Variants in RIMS1 observed in about 807,000 individuals in gnomAD.
The protein encoded by RIMS1 is regulating synaptic membrane exocytosis 1.
Under a neutral mutation model 214.1 loss-of-function variants are expected in RIMS1, and 83 were observed. That is an observed-to-expected ratio of 0.39 (90% CI 0.32 to 0.47). The LOEUF (loss-of-function observed/expected upper bound fraction) is 0.47, where lower values mean the gene tolerates loss of function less well. Ranked by LOEUF, RIMS1 falls within the 20% of genes least tolerant of loss-of-function variation. The pLI is 0.99. For missense variants in RIMS1, 2,050 were observed against 2,161.8 expected (o/e 0.95, Z 1.03); for synonymous variants, 793 against 786.8 (o/e 1.01, Z -0.13).
intron 31 of RIMS1, among the ~76,000 whole-genome samples, chr6:72,393,774 A>G (rs1272588676): frequency 6.6e-6 from 1 of 152,014 alleles, no homozygotes; most frequent in Non-Finnish European, 1.5e-5. Context: ...TCGTATTTTC[A>G]TTGGATTCTT....
At chr6:72,237,787 T>C in intron 8 of RIMS1, 36 bp from the exon 9 acceptor site, 1 of 1,408,210 alleles carries the variant, frequency 7.1e-7, no homozygotes, top group South Asian at 1.2e-5. Flanking sequence ...TGTTTTAGTA[T>C]GAGTCTTGGA....
chr6:71,935,111 G>A (rs1313402916), intron 1 of RIMS1, among the ~76,000 whole-genome samples: 1 of 152,146 alleles, frequency 6.6e-6, no homozygotes, highest in Non-Finnish European at 1.5e-5. Context: ...CAGATGGATC[G>A]GTTTCCTTGG....
At chr6:72,103,597 TC>T (rs1330611083) in intron 4 of RIMS1, among the ~76,000 whole-genome samples, 2 of 152,118 alleles carry the variant, frequency 1.3e-5, no homozygotes, top group Non-Finnish European at 2.9e-5. Flanking sequence ...AGAAAGAGCT[TC>T]CAAAAAGTTA....
intron 2 of RIMS1, among the ~76,000 whole-genome samples, chr6:71,992,394 T>TTCTC (rs377623445): frequency 0.065 from 6,383 of 97,888 alleles, 174 homozygotes; most frequent in African/African-American, 0.087. Context: ...GCTTCTTTCT[T>TTCTC]TCTCTCTCTC....
At chr6:72,155,333 C>T (rs2044296072) in intron 4 of RIMS1, among the ~76,000 whole-genome samples, 1 of 140,476 alleles carries the variant, frequency 7.1e-6, no homozygotes, top group Non-Finnish European at 1.6e-5. Flanking sequence ...GAATGCTTTG[C>T]TGCTTAGAAA....
intron 28 of RIMS1, among the ~76,000 whole-genome samples, chr6:72,322,573 A>G (rs1253469714): frequency 1.3e-5 from 2 of 152,042 alleles, no homozygotes; most frequent in Non-Finnish European, 2.9e-5. Context: ...AAAGCTGAAC[A>G]AGAACAAATA....
intron 2 of RIMS1, among the ~76,000 whole-genome samples, chr6:72,007,760 G>A (rs1808392007): frequency 6.6e-6 from 1 of 152,148 alleles, no homozygotes; most frequent in Non-Finnish European, 1.5e-5. Flanking sequence ...GAAGCGAGAA[G>A]AGAAGTTTAG....
chr6:72,164,397 C>G (rs1171697094), intron 4 of RIMS1, among the ~76,000 whole-genome samples: 1 of 152,064 alleles, frequency 6.6e-6, no homozygotes, highest in Non-Finnish European at 1.5e-5. Context: ...CACCCACTGT[C>G]CTGCACCCAC....
chr6:72,038,319 T>C (rs1319815432), intron 2 of RIMS1, among the ~76,000 whole-genome samples: 7 of 151,512 alleles, frequency 4.6e-5, no homozygotes. Context: ...TTAAGTAGGC[T>C]TTTGATAATC....
intron 29 of RIMS1, among the ~76,000 whole-genome samples, chr6:72,377,968 A>G (rs1389246951): frequency 6.6e-6 from 1 of 152,236 alleles, no homozygotes; most frequent in Non-Finnish European, 1.5e-5. Context: ...GTATACTTAC[A>G]CATGCTGTCT....
At chr6:72,359,456 G>A (rs2097755382) in intron 29 of RIMS1, among the ~76,000 whole-genome samples, 2 of 151,814 alleles carry the variant, frequency 1.3e-5, no homozygotes, top group Non-Finnish European at 2.9e-5. Flanking sequence ...GCAACAGGCT[G>A]TTTCCCTAAA....
intron 27 of RIMS1, among the ~76,000 whole-genome samples, chr6:72,311,207 A>G (rs1405096836): frequency 6.6e-6 from 1 of 152,204 alleles, no homozygotes; most frequent in Admixed American, 6.5e-5. Context: ...TATCATCCCA[A>G]TACATTTGGA....
intron 4 of RIMS1, among the ~76,000 whole-genome samples, chr6:72,171,491 C>T (rs537033381): frequency 1.3e-5 from 2 of 151,968 alleles, no homozygotes; most frequent in East Asian, 3.9e-4. Context: ...ATAAAATAAC[C>T]ATTATAATGC....
At position 72,161,623 on chromosome 6, in the gene RIMS1, T is replaced by G. The variant is rs2045427557; in HGVS notation, c.472-17952T>G. Among the ~76,000 whole-genome samples the G allele has an allele frequency of 1.4e-5, 2 of 139,918 alleles. 1 individual carries two copies. The highest frequency in any genetic ancestry group is 1.5e-4 in the Admixed American group (2 of 13,600). 91.8% of individuals were successfully genotyped at this position (139,918 alleles called of 152,430 possible). ...CATTGGTTTCAAAGAACATCTTTATTTCTGCCTTCATTTCGTTATGTCCCC... is the reference window on the plus strand; with the variant it reads ...CATTGGTTTCAAAGAACATCTTTATGTCTGCCTTCATTTCGTTATGTCCCC... On this transcript the variant is annotated intron_variant, in intron 4 of 33. Transcript: ENST00000521978.
intron 1 of RIMS1, among the ~76,000 whole-genome samples, chr6:71,924,362 A>G (rs1466387609): frequency 6.6e-6 from 1 of 151,938 alleles, no homozygotes; most frequent in East Asian, 1.9e-4. Flanking sequence ...ATCTGCAGGG[A>G]CTTACCCTCA....
intron 2 of RIMS1, among the ~76,000 whole-genome samples, chr6:72,034,952 C>G (rs1819202101): frequency 6.6e-6 from 1 of 152,018 alleles, no homozygotes; most frequent in Non-Finnish European, 1.5e-5. Flanking sequence ...CATTATAAGC[C>G]ATAATAACAA....
In RIMS1 at chr6:72,233,796, G is replaced by C; in HGVS notation, c.1702G>C (p.Asp568His). Residue 568 changes from aspartate (D) to histidine (H), a missense_variant, in exon 7 of 34, where the codon GAT becomes CAT. Physicochemically the swap from Asp to His is moderately conservative, Grantham distance 81. Coordinates refer to ENST00000521978, the MANE Select transcript of RIMS1 (RefSeq NM_014989.7). ...AGGTGATTTGGATTATTACTGGTTG[G>C]ATCCTGCCACGTGGCACAGCCGGGA... ...EKGDLDYYWLDPATWHSRETS... is the reference protein window; with the variant it reads ...EKGDLDYYWLHPATWHSRETS... The C allele has an allele frequency of 6.3e-7, 1 of 1,579,236 alleles. No homozygotes were observed. The highest frequency in any genetic ancestry group is 8.6e-7 in the Non-Finnish European group (1 of 1,160,320).
chr6:72,245,773 C>T (rs2069241535), intron 10 of RIMS1, 42 bp from the exon 11 acceptor site: 2 of 1,512,066 alleles, frequency 1.3e-6, no homozygotes, highest in African/African-American at 1.4e-5. Flanking sequence ...CAGGCAGGGT[C>T]ATTTAACTAA....
At chr6:72,015,634 A>T (rs1812452906) in intron 2 of RIMS1, among the ~76,000 whole-genome samples, 1 of 152,152 alleles carries the variant, frequency 6.6e-6, no homozygotes, top group Non-Finnish European at 1.5e-5. Context: ...ATAACTTAAT[A>T]TGTCTCTGCT....
Sources: allele counts gnomAD v4.1 joint callset (sites outside exome capture counted in the v4.1 genomes callset), GRCh38; gene constraint gnomAD v4.1.1; transcripts MANE v1.5; gene names NCBI Gene and HGNC (gene_info 2026-07-23, HGNC 2026-07-21).